LCORL: variants seen among roughly 807,000 people sequenced by gnomAD.
LCORL encodes ligand-dependent nuclear receptor corepressor-like protein.
Under a neutral mutation model 141.8 loss-of-function variants are expected in LCORL, and 41 were observed. The ratio of observed to expected loss-of-function variants is 0.29; its 90% CI spans 0.23 to 0.38. The LOEUF is 0.38. Among genes scored for constraint, LCORL ranks in the 10% least tolerant of loss-of-function variants. The probability of loss-of-function intolerance (pLI) is 1.00; values close to 1 mark genes in which losing one functional copy is unlikely to be tolerated. For missense variants in LCORL, 1,759 were observed against 2,035.0 expected (o/e 0.86, Z 2.61); for synonymous variants, 618 against 694.1 (o/e 0.89, Z 1.72).
intron 7 of LCORL, among the ~76,000 whole-genome samples, chr4:17,851,577 T>C (rs1318075451): frequency 2.0e-5 from 3 of 152,362 alleles, no homozygotes; most frequent in African/African-American, 7.2e-5. Context: ...GGATAAATCT[T>C]AATTGATTTT....
intron 6 of LCORL, chr4:17,880,634 A>G: frequency 1.0e-6 from 1 of 983,306 alleles, no homozygotes; most frequent in Non-Finnish European, 1.2e-6. Context: ...CTTTTACTGA[A>G]TGAGTAAATC....
At chr4:17,980,962 T>C (rs1444990884) in intron 1 of LCORL, among the ~76,000 whole-genome samples, 1 of 152,150 alleles carries the variant, frequency 6.6e-6, no homozygotes, top group Non-Finnish European at 1.5e-5. Context: ...AAATTGTCTT[T>C]CACAAAACTG....
At position 17,880,153 on chromosome 4, in the gene LCORL, G is replaced by T. The variant is rs76687660; in HGVS notation, c.777-1940C>A. Among the ~76,000 whole-genome samples the T allele has an allele frequency of 2.3e-3, 340 of 150,766 alleles. 1 individual carries two copies. Among genetic ancestry groups the T allele is most frequent in the Non-Finnish European group, 3.8e-3 (254 of 67,076 alleles). ...AATGCTATAAGAACAGCTTAAAAAA[G>T]GTATAAATTAGATATTCAGATATTA... On this transcript the variant is annotated intron_variant, in intron 6 of 7. Transcript: ENST00000635767.
At chr4:18,000,279 G>T (rs1469253247) in intron 1 of LCORL, among the ~76,000 whole-genome samples, 1 of 150,790 alleles carries the variant, frequency 6.6e-6, no homozygotes, top group African/African-American at 2.4e-5. Flanking sequence ...CTTTGAACTT[G>T]GTGAGAAAAA....
At chr4:17,867,218 C>T (rs531288501) in intron 7 of LCORL, among the ~76,000 whole-genome samples, 13 of 151,574 alleles carry the variant, frequency 8.6e-5, no homozygotes, top group Middle Eastern at 6.8e-3. Context: ...GTGTTGGGGA[C>T]GAACAAGATA....
intron 2 of LCORL, among the ~76,000 whole-genome samples, chr4:17,971,400 A>G (rs1334163397): frequency 6.6e-6 from 1 of 151,850 alleles, no homozygotes; most frequent in Non-Finnish European, 1.5e-5. Flanking sequence ...ATATCTGCAT[A>G]TATCCGAATT....
chr4:17,974,246 C>T (rs1324834648), intron 1 of LCORL, among the ~76,000 whole-genome samples: 1 of 152,034 alleles, frequency 6.6e-6, no homozygotes, highest in Non-Finnish European at 1.5e-5. Context: ...ATTAGTTGGT[C>T]TCATTATAGT....
chr4:17,918,765 G>T (rs1239677232), intron 4 of LCORL, among the ~76,000 whole-genome samples: 3 of 152,024 alleles, frequency 2.0e-5, no homozygotes, highest in Non-Finnish European at 4.4e-5. Context: ...ATTCCCAAAA[G>T]GAAAGAAGAG....
intron 5 of LCORL, among the ~76,000 whole-genome samples, chr4:17,904,373 A>G (rs1221635781): frequency 2.6e-5 from 4 of 152,038 alleles, no homozygotes; most frequent in Non-Finnish European, 5.9e-5. Flanking sequence ...GAGGCTTGAC[A>G]TTTCACTTTC....
intron 7 of LCORL, among the ~76,000 whole-genome samples, chr4:17,869,042 AC>A (rs1726020893): frequency 7.7e-6 from 1 of 130,246 alleles, no homozygotes; most frequent in African/African-American, 2.9e-5. Context: ...TGTTCCCACT[AC>A]CTTTTTTTTT....
chr4:17,872,853 C>A (rs1726514900), intron 7 of LCORL, among the ~76,000 whole-genome samples: 1 of 152,072 alleles, frequency 6.6e-6, no homozygotes, highest in South Asian at 2.1e-4. Context: ...TTAAAGTGAG[C>A]TCCAAATGAC....
rs1187984620 is a variant in LCORL at position 17,850,377 on chromosome 4, A to T, written c.5603-4476T>A. 9.3e-5 allele frequency among the ~76,000 whole-genome samples: 14 copies of T among 149,966 alleles called. No homozygotes were observed. The East Asian group carries it at 2.7e-3, about 28-fold the overall frequency. ...GAATGGGAGAAAATTTTCACAACCTACTCATCTGACAAAGGGCTAATATCC... is the reference window on the plus strand; with the variant it reads ...GAATGGGAGAAAATTTTCACAACCTTCTCATCTGACAAAGGGCTAATATCC... On this transcript the variant is annotated intron_variant, in intron 7 of 7. Coordinates refer to ENST00000635767, the Ensembl canonical transcript of LCORL.
chr4:17,989,940 C>G (rs1018038691), intron 1 of LCORL, among the ~76,000 whole-genome samples: 2 of 152,102 alleles, frequency 1.3e-5, no homozygotes, highest in Non-Finnish European at 2.9e-5. Flanking sequence ...GGTCCTCATT[C>G]TCTTACTGTC....
rs374248259 is a variant in LCORL at position 17,870,465 on chromosome 4, G to T, written c.5602+2923C>A. 1.6e-4 allele frequency among the ~76,000 whole-genome samples: 25 copies of T among 152,198 alleles called. No individual in the cohort carries two copies. The East Asian group carries it at 4.4e-3, about 27-fold the overall frequency. On this transcript the variant is annotated intron_variant, in intron 7 of 7. Transcript: ENST00000635767. ...ACCTTGCCTAATTCCCTAAATCTGAGTTCAATTCCTCTTTAATGTGCTCTT... is the reference window on the plus strand; with the variant it reads ...ACCTTGCCTAATTCCCTAAATCTGATTTCAATTCCTCTTTAATGTGCTCTT...
At chr4:17,933,800 G>T (rs1384019513) in intron 4 of LCORL, among the ~76,000 whole-genome samples, 1 of 152,054 alleles carries the variant, frequency 6.6e-6, no homozygotes, top group Non-Finnish European at 1.5e-5. Context: ...TGGATGAAAA[G>T]AACCCTTATG....
chr4:17,857,559 A>G, intron 7 of LCORL, among the ~76,000 whole-genome samples: 1 of 152,106 alleles, frequency 6.6e-6, no homozygotes, highest in Non-Finnish European at 1.5e-5. Flanking sequence ...TTGGGACCAG[A>G]TAATTGTTTT....
chr4:17,887,267 T>C (rs1469504539), intron 5 of LCORL, among the ~76,000 whole-genome samples: 1 of 151,866 alleles, frequency 6.6e-6, no homozygotes, highest in Non-Finnish European at 1.5e-5. Context: ...GTCATAGTCA[T>C]AGTGCTTAGG....
At chr4:17,899,642 A>G (rs1560310319) in intron 5 of LCORL, among the ~76,000 whole-genome samples, 1 of 152,206 alleles carries the variant, frequency 6.6e-6, no homozygotes, top group Non-Finnish European at 1.5e-5. Flanking sequence ...ACTGGGCATA[A>G]GAACCCAATT....
At chr4:17,842,373 C>T in exon 8 of LCORL, 1 of 1,611,710 alleles carries the variant, frequency 6.2e-7, no homozygotes, top group Non-Finnish European at 8.5e-7. Context: ...GAAGCCGACT[C>T]TGAAAGGTAT....
Sources: gnomAD v4.1 joint callset for allele counts (sites outside exome capture counted in the v4.1 genomes callset) on GRCh38, gnomAD v4.1.1 for gene constraint, MANE v1.5 for transcripts, NCBI Gene and HGNC (gene_info 2026-07-23, HGNC 2026-07-21) for gene names.